The following SYNJ2 variants were observed in gnomAD, a reference collection of about 807,000 sequenced individuals.
The protein encoded by SYNJ2 is polyphosphatidylinositol phosphatase SYNJ2.
Under a neutral mutation model 141.3 loss-of-function variants are expected in SYNJ2, and 116 were observed. The ratio of observed to expected loss-of-function variants is 0.82; its 90% CI spans 0.71 to 0.96. The LOEUF is 0.96. Among genes scored for constraint, SYNJ2 ranks in the 40% least tolerant of loss-of-function variants. SYNJ2 has a pLI of 0.00. For missense variants in SYNJ2, 1,873 were observed against 1,934.8 expected (o/e 0.97, Z 0.60); for synonymous variants, 745 against 777.7 (o/e 0.96, Z 0.70).
At chr6:158,048,865 G>A (rs553492891) in intron 5 of SYNJ2, among the ~76,000 whole-genome samples, 2 of 152,332 alleles carry the variant, frequency 1.3e-5, no homozygotes, top group East Asian at 3.9e-4. Context: ...TTGCAAGCCT[G>A]CAGGAGCTGG....
intron 20 of SYNJ2, 42 bp from the exon 21 acceptor site, chr6:158,083,387 A>T: frequency 6.2e-7 from 1 of 1,602,926 alleles, no homozygotes; most frequent in African/African-American, 1.3e-5. Context: ...AGGAGGGGTC[A>T]TGATTTTTAT....
rs942442923 is a variant in SYNJ2, at chr6:158,042,405, G to A, written c.712-911G>A. Reference sequence around the variant, plus strand: ...TCCTGTGTGATCTGAGCGTGATCTCGCCTGCATGGGAAGCTGCCCTGTAAG... The same window carrying A: ...TCCTGTGTGATCTGAGCGTGATCTCACCTGCATGGGAAGCTGCCCTGTAAG... On this transcript the variant is annotated intron_variant, in intron 4 of 26. Transcript: ENST00000355585. 5.3e-5 allele frequency among the ~76,000 whole-genome samples: 8 copies of A among 152,212 alleles called. No individual in the cohort carries two copies. The South Asian group carries it at 6.2e-4, about 12-fold the overall frequency.
At chr6:158,024,927 A>G (rs1188837375) in intron 2 of SYNJ2, among the ~76,000 whole-genome samples, 1 of 152,226 alleles carries the variant, frequency 6.6e-6, no homozygotes, top group Non-Finnish European at 1.5e-5. Flanking sequence ...TATTTAGAAT[A>G]CACTGCACAA....
chr6:158,093,069 G>T lies in SYNJ2; in HGVS notation c.3709G>T (p.Ala1237Ser). 6.2e-7 allele frequency: 1 copy of T among 1,608,768 alleles called. No homozygotes were observed. The highest frequency in any genetic ancestry group is 8.5e-7 in the Non-Finnish European group (1 of 1,178,642). The change falls in exon 26 of 27, where the codon GCC becomes TCC. Residue 1237 changes from alanine (A) to serine (S), a missense_variant. By Grantham distance (99) the Ala-to-Ser change is moderately conservative. Transcript: ENST00000355585. The stretch of plus-strand genomic sequence containing the variant: ...CCGTCGGCCCCCACCCAGAGTTCCT[G>T]CCATCAAGAAGCCAACCTTGAGAAG... ...LPRRPPPRVP[A>S]IKKPTLRRTG...
Position 158,066,561 on chromosome 6 carries a change from A to G in SYNJ2, c.1643A>G (p.Asn548Ser), listed in dbSNP as rs1203085059. The change falls in exon 12 of 27, where the codon AAC (asparagine) becomes AGC (serine). Residue 548 changes from asparagine (N) to serine (S), a missense_variant. Asn to Ser is a conservative substitution (Grantham distance 46). Coordinates refer to ENST00000355585, the MANE Select transcript of SYNJ2 (RefSeq NM_003898.4). Reference sequence around the variant, plus strand: ...AACGGAGGAAAGCAGTTCCGGAGCAACGTGCTCAGGACGGCGGAGCTGACA... The same window carrying G: ...AACGGAGGAAAGCAGTTCCGGAGCAGCGTGCTCAGGACGGCGGAGCTGACA... Reference protein sequence around the residue: ...NVNGGKQFRSNVLRTAELTDW... With the variant: ...NVNGGKQFRSSVLRTAELTDW... 2 of 1,614,090 alleles carry G rather than the reference A, an allele frequency of 1.2e-6. No individual in the cohort carries two copies. The highest frequency in any genetic ancestry group is 1.3e-5 in the African/African-American group (1 of 74,940).
chr6:157,995,310 C>T (rs1000670792), intron 1 of SYNJ2, among the ~76,000 whole-genome samples: 1 of 152,086 alleles, frequency 6.6e-6, no homozygotes, highest in Admixed American at 6.5e-5. Flanking sequence ...AGAATTTTGG[C>T]TTAAAAGAGA....
intron 15 of SYNJ2, among the ~76,000 whole-genome samples, chr6:158,073,416 T>A (rs547377682): frequency 6.6e-6 from 1 of 152,236 alleles, no homozygotes; most frequent in East Asian, 1.9e-4. Context: ...CCAGCTGGTC[T>A]CGAACTCCTG....
chr6:158,059,479 C>T, intron 7 of SYNJ2, 126 bp downstream of exon 7: 1 of 1,483,964 alleles, frequency 6.7e-7, no homozygotes, highest in Non-Finnish European at 8.9e-7. Context: ...TTTCCTGAGG[C>T]TTCCCCAGCA....
rs1779481737 is a variant in SYNJ2 at position 158,033,530 on chromosome 6, G to C, written c.561G>C (p.Gly187=). 1 of 1,614,194 alleles carries C rather than the reference G, an allele frequency of 6.2e-7. No homozygotes were observed. The highest frequency in any genetic ancestry group is 1.7e-5 in the Admixed American group (1 of 60,032). Reference sequence around the variant, plus strand: ...ACTGGCTGCTGAAGATCATCTGCGGGGTGGTCACCATCCGCACCGTGTATG... The same window carrying C: ...ACTGGCTGCTGAAGATCATCTGCGGCGTGGTCACCATCCGCACCGTGTATG... ...CCDWLLKIIC[G]VVTIRTVYAS... Residue 187 remains glycine, a synonymous_variant, in exon 4 of 27, where the codon GGG becomes GGC. Transcript: ENST00000355585.
intron 22 of SYNJ2, among the ~76,000 whole-genome samples, chr6:158,086,092 G>A (rs1442302272): frequency 1.3e-5 from 2 of 152,142 alleles, no homozygotes; most frequent in African/African-American, 4.8e-5. Flanking sequence ...TTGATGCTGT[G>A]GGGTGTTCAG....
Position 158,071,572 on chromosome 6 carries a change from C to T in SYNJ2, c.1941-30C>T, listed in dbSNP as rs752719778. 6.9e-6 allele frequency: 11 copies of T among 1,598,048 alleles called. No individual in the cohort carries two copies. In the South Asian group the frequency reaches 1.0e-4, roughly 15 times the overall value. On this transcript the variant is annotated intron_variant, in intron 14 of 26. Coordinates refer to ENST00000355585, the MANE Select transcript of SYNJ2 (RefSeq NM_003898.4). The surrounding 1 kb of genome is among the most constrained non-coding windows in gnomAD (Gnocchi z 4.3). ...AGGGTCACACTTCTCCTTCAGGAGC[C>T]GACGGCATGCGCGTATCCTTCTGTT... is the stretch of plus-strand genomic sequence containing the variant.
chr6:158,038,105 C>A (rs1196976538), intron 4 of SYNJ2, among the ~76,000 whole-genome samples: 1 of 152,234 alleles, frequency 6.6e-6, no homozygotes, highest in Non-Finnish European at 1.5e-5. Flanking sequence ...GAGATATGAA[C>A]AGCCTGCCCT....
Position 158,069,867 on chromosome 6 carries a change from C to T in SYNJ2, c.1940+194C>T, listed in dbSNP as rs141040434. 5.6e-4 allele frequency among the ~76,000 whole-genome samples: 86 copies of T among 152,292 alleles called. 1 individual carries two copies. Among genetic ancestry groups the T allele is most frequent in the African/African-American group, 2.0e-3 (82 of 41,564 alleles). ...GAATATTGTCTAGCGATTAAAAAGC[C>T]ACCATGGGAAATGTCTAACTCAGGA... On this transcript the variant is annotated intron_variant, in intron 14 of 26. Transcript: ENST00000355585.
At chr6:158,000,314 A>G (rs926097119) in intron 1 of SYNJ2, among the ~76,000 whole-genome samples, 3 of 152,106 alleles carry the variant, frequency 2.0e-5, no homozygotes, top group Admixed American at 6.6e-5. Context: ...CACAAACCAT[A>G]TGTGCCTGAG....
intron 5 of SYNJ2, among the ~76,000 whole-genome samples, chr6:158,051,792 C>CAAAA (rs34963476): frequency 3.4e-4 from 43 of 128,278 alleles, no homozygotes; most frequent in African/African-American, 1.2e-3. Context: ...ACAAAAAATA[C>CAAAA]AAAAAAAAAA....
At chr6:158,023,716 G>A (rs1190095662) in intron 2 of SYNJ2, among the ~76,000 whole-genome samples, 2 of 152,142 alleles carry the variant, frequency 1.3e-5, no homozygotes, top group Non-Finnish European at 2.9e-5. Flanking sequence ...CTCCCCCTAG[G>A]ATTCCAGACA....
intron 2 of SYNJ2, among the ~76,000 whole-genome samples, chr6:158,024,648 G>A (rs1009033388): frequency 2.0e-5 from 3 of 152,176 alleles, no homozygotes; most frequent in Non-Finnish European, 1.5e-5. Context: ...AAACCAGAAC[G>A]CTCTCTTTTT....
intron 2 of SYNJ2, 45 bp downstream of exon 2, chr6:158,017,335 G>T (rs762204357): frequency 5.3e-5 from 83 of 1,580,590 alleles, no homozygotes; most frequent in Non-Finnish European, 6.7e-5. Context: ...GCTCCCCGGT[G>T]GGCAGGAGCC....
chr6:157,993,363 A>G (rs554175109), intron 1 of SYNJ2, among the ~76,000 whole-genome samples: 29 of 152,046 alleles, frequency 1.9e-4, no homozygotes, highest in Non-Finnish European at 4.0e-4. Context: ...TCTTTTGCTC[A>G]TTTTTTGGAT....
Sources: allele counts gnomAD v4.1 joint callset (sites outside exome capture counted in the v4.1 genomes callset), GRCh38; gene constraint gnomAD v4.1.1; non-coding constraint Gnocchi (gnomAD v3.1); transcripts MANE v1.5; gene names NCBI Gene and HGNC (gene_info 2026-07-23, HGNC 2026-07-21).